The following DERA variants were observed in gnomAD, a reference collection of about 807,000 sequenced individuals.
The protein encoded by DERA is deoxyribose-phosphate aldolase.
In DERA, 15 loss-of-function variants were observed where a neutral mutation model predicts 41.1. That is an observed-to-expected ratio of 0.37 (90% CI 0.24 to 0.56). The LOEUF is 0.56. Ranked by LOEUF, DERA falls within the 20% of genes least tolerant of loss-of-function variation. The pLI is 0.81. For synonymous variants in DERA, 139 were observed against 137.4 expected, an observed-to-expected ratio of 1.01 and a Z score of -0.08; for missense variants, 396 against 403.4, an observed-to-expected ratio of 0.98 and a Z score of 0.16.
intron 7 of DERA, among the ~76,000 whole-genome samples, chr12:16,034,754 C>T (rs1012814694): frequency 7.3e-6 from 1 of 137,342 alleles, no homozygotes; most frequent in Non-Finnish European, 1.5e-5. Flanking sequence ...TCCATATTCT[C>T]TTTAAAAAAA....
At chr12:15,948,659 T>A (rs1435643418) in intron 1 of DERA, among the ~76,000 whole-genome samples, 5 of 152,208 alleles carry the variant, frequency 3.3e-5, no homozygotes, top group African/African-American at 1.2e-4. Context: ...CTCTTTTAGC[T>A]CGGAGTAGTT....
In DERA at chr12:15,981,387, TG is replaced by T. The variant is rs1311762377; in HGVS notation, c.509-920del. 1.3e-5 allele frequency among the ~76,000 whole-genome samples: 2 copies of T among 152,046 alleles called. No individual in the cohort carries two copies. The highest frequency in any genetic ancestry group is 4.8e-5 in the African/African-American group (2 of 41,396). On this transcript the variant is annotated intron_variant, in intron 5 of 8. Coordinates refer to ENST00000428559, the MANE Select transcript of DERA (RefSeq NM_015954.4). This position sits in a 1 kb window ranked among gnomAD's most constrained non-coding sequence, Gnocchi z 6.1. ...AAAAAACAAAAAAACCTACTTCCTATGAAAGATACTCAAATACAAAGGAAAG... is the reference window on the plus strand; with the variant it reads ...AAAAAACAAAAAAACCTACTTCCTATAAAGATACTCAAATACAAAGGAAAG...
chr12:15,978,723 C>T (rs1948714768), intron 5 of DERA, among the ~76,000 whole-genome samples: 1 of 152,092 alleles, frequency 6.6e-6, no homozygotes, highest in African/African-American at 2.4e-5. Flanking sequence ...ATTTTATGTT[C>T]TTCAAGGAAC....
chr12:16,006,707 G>A (rs1269315884), intron 6 of DERA, among the ~76,000 whole-genome samples: 1 of 152,236 alleles, frequency 6.6e-6, no homozygotes, highest in African/African-American at 2.4e-5. Flanking sequence ...GAGTATGAGT[G>A]TCCACTCAGA....
At chr12:15,960,205 TATAC>T (rs759730861) in intron 4 of DERA, among the ~76,000 whole-genome samples, 3 of 149,840 alleles carry the variant, frequency 2.0e-5, no homozygotes, top group South Asian at 2.1e-4. Context: ...TATATATATA[TATAC>T]ACACACACAC....
intron 1 of DERA, among the ~76,000 whole-genome samples, chr12:15,946,893 T>C (rs2136139938): frequency 6.6e-6 from 1 of 152,346 alleles, no homozygotes; most frequent in South Asian, 2.1e-4. Flanking sequence ...ACACACTGCT[T>C]TAAATGTGTC....
Position 16,010,859 on chromosome 12 carries a change from A to G in DERA, c.638-21683A>G, listed in dbSNP as rs535002084. Among the ~76,000 whole-genome samples the G allele has an allele frequency of 6.6e-6, 1 of 152,110 alleles. No individual in the cohort carries two copies. Among genetic ancestry groups the G allele is most frequent in the Non-Finnish European group, 1.5e-5 (1 of 68,022 alleles). ...TAACACAACTTCTTTTATGAAAGACAGGTCACTGTAAAAAGAAACTCTACC... is the reference window on the plus strand; with the variant it reads ...TAACACAACTTCTTTTATGAAAGACGGGTCACTGTAAAAAGAAACTCTACC... On this transcript the variant is annotated intron_variant, in intron 6 of 8. Coordinates refer to ENST00000428559, the MANE Select transcript of DERA (RefSeq NM_015954.4). The surrounding 1 kb of genome is among the most constrained non-coding windows in gnomAD (Gnocchi z 5.5).
rs547463530 is a variant in DERA at position 15,915,960 on chromosome 12, C to T, written c.31+4546C>T. 5.3e-5 allele frequency among the ~76,000 whole-genome samples: 8 copies of T among 152,288 alleles called. No individual in the cohort carries two copies. Among genetic ancestry groups the T allele is most frequent in the East Asian group, 3.9e-4 (2 of 5,184 alleles). On this transcript the variant is annotated intron_variant, in intron 1 of 8. Coordinates refer to ENST00000428559, the MANE Select transcript of DERA (RefSeq NM_015954.4). The surrounding 1 kb of genome is among the most constrained non-coding windows in gnomAD (Gnocchi z 4.8). ...ACATGCTTAAACAACCACACTGTGT[C>T]GACTGGTGCTAACTGGGAGCACTAC...
chr12:15,962,663 C>T (rs149860322), intron 4 of DERA, 150 bp from the exon 5 acceptor site: 16 of 589,186 alleles, frequency 2.7e-5, no homozygotes, highest in African/African-American at 2.1e-4. Flanking sequence ...AGTGTCAGTG[C>T]ATTGGTCTTT....
At position 15,980,762 on chromosome 12, in the gene DERA, G is replaced by T. The variant is rs1948727371; in HGVS notation, c.509-1546G>T. On this transcript the variant is annotated intron_variant, in intron 5 of 8. Transcript: ENST00000428559. ...AACCTTCTGTGGGTACCATCTCTCA[G>T]TGGTAACAAACTTTCTAAACTTACT... 1.3e-5 allele frequency among the ~76,000 whole-genome samples: 2 copies of T among 152,114 alleles called. 1 individual carries two copies. The highest frequency in any genetic ancestry group is 4.1e-4 in the South Asian group (2 of 4,824).
In DERA at chr12:15,942,247, T is replaced by C. The variant is rs536463659; in HGVS notation, c.32-14689T>C. ...CTTGCTGATTTGTTTGAGTTCCTTG[T>C]AGATTCTGAATGCTATTCTTTTGTC... On this transcript the variant is annotated intron_variant, in intron 1 of 8. Transcript: ENST00000428559. Among the ~76,000 whole-genome samples, 5 of 152,364 alleles carry C rather than the reference T, an allele frequency of 3.3e-5. No individual in the cohort carries two copies. The East Asian group carries it at 9.6e-4, about 29-fold the overall frequency.
At position 16,001,248 on chromosome 12, in the gene DERA, A is replaced by G. The variant is rs1374893921; in HGVS notation, c.637+18812A>G. 6.6e-6 allele frequency among the ~76,000 whole-genome samples: 1 copy of G among 152,152 alleles called. No individual in the cohort carries two copies. Among genetic ancestry groups the G allele is most frequent in the Admixed American group, 6.5e-5 (1 of 15,286 alleles). ...AAACCTGCACATTCTGCACATGTTT[A>G]TCCTATTTTTTTGTTTGTTTGTTTG... is the stretch of plus-strand genomic sequence containing the variant. On this transcript the variant is annotated intron_variant, in intron 6 of 8. Transcript: ENST00000428559. This position sits in a 1 kb window ranked among gnomAD's most constrained non-coding sequence, Gnocchi z 4.1.
chr12:15,913,073 TACATCA>T lies in DERA; in HGVS notation c.31+1661_31+1666del, dbSNP rs1289605570. Among the ~76,000 whole-genome samples, 1 of 152,238 alleles carries T rather than the reference TACATCA, an allele frequency of 6.6e-6. No individual in the cohort carries two copies. Among genetic ancestry groups the T allele is most frequent in the Non-Finnish European group, 1.5e-5 (1 of 68,042 alleles). ...AGGAATATGACCATGTGACTATGCA[TACATCA>T]AGGATGTGCCCTAAATTTCCCAAAA... On this transcript the variant is annotated intron_variant, in intron 1 of 8. Transcript: ENST00000428559. The surrounding 1 kb of genome is among the most constrained non-coding windows in gnomAD (Gnocchi z 4.5).
chr12:15,939,476 A>G (rs1359204383), intron 1 of DERA, among the ~76,000 whole-genome samples: 1 of 152,212 alleles, frequency 6.6e-6, no homozygotes, highest in Non-Finnish European at 1.5e-5. Context: ...AACCCCATGT[A>G]TACTAGTTGA....
chr12:15,916,436 A>G (rs957535512), intron 1 of DERA: 5 of 150,828 alleles, frequency 3.3e-5, no homozygotes, highest in African/African-American at 1.2e-4. Context: ...TTTAAAAACC[A>G]ATACTGTTTC....
Position 15,998,608 on chromosome 12 carries a change from C to T in DERA, c.637+16172C>T, listed in dbSNP as rs866760379. 2.0e-5 allele frequency among the ~76,000 whole-genome samples: 3 copies of T among 152,120 alleles called. No individual in the cohort carries two copies. The highest frequency in any genetic ancestry group is 4.8e-5 in the African/African-American group (2 of 41,416). On this transcript the variant is annotated intron_variant, in intron 6 of 8. Coordinates refer to ENST00000428559, the MANE Select transcript of DERA (RefSeq NM_015954.4). The surrounding 1 kb of genome is among the most constrained non-coding windows in gnomAD (Gnocchi z 4.8). ...CTGGAATTACAGGTGTGAGCCACCA[C>T]GCCTGGCCTAACACAGGAAGTCTTT...
At position 15,966,420 on chromosome 12, in the gene DERA, C is replaced by T. The variant is rs771223042; in HGVS notation, c.508+3473C>T. On this transcript the variant is annotated intron_variant, in intron 5 of 8. Coordinates refer to ENST00000428559, the MANE Select transcript of DERA (RefSeq NM_015954.4). This position sits in a 1 kb window ranked among gnomAD's most constrained non-coding sequence, Gnocchi z 5.1. Reference sequence around the variant, plus strand: ...CAGAGGTTGCAGGGAGCCAAGATTGCGCCACTGCACTGCAACCTGAGGGAC... The same window carrying T: ...CAGAGGTTGCAGGGAGCCAAGATTGTGCCACTGCACTGCAACCTGAGGGAC... Among the ~76,000 whole-genome samples, 10 of 151,192 alleles carry T rather than the reference C, an allele frequency of 6.6e-5. No individual in the cohort carries two copies. Among genetic ancestry groups the T allele is most frequent in the East Asian group, 3.9e-4 (2 of 5,154 alleles).
At chr12:15,914,036 C>T (rs181647255) in intron 1 of DERA, among the ~76,000 whole-genome samples, 18 of 152,256 alleles carry the variant, frequency 1.2e-4, no homozygotes, top group African/African-American at 3.9e-4. Flanking sequence ...CTTTTGTTCA[C>T]TGATGTGTCC....
intron 6 of DERA, among the ~76,000 whole-genome samples, chr12:16,032,290 G>C (rs780895920): frequency 6.6e-6 from 1 of 152,188 alleles, no homozygotes; most frequent in Non-Finnish European, 1.5e-5. Flanking sequence ...TGGCATTGTG[G>C]AAATATGGAG....
Sources: allele counts gnomAD v4.1 joint callset (sites outside exome capture counted in the v4.1 genomes callset), GRCh38; gene constraint gnomAD v4.1.1; non-coding constraint Gnocchi (gnomAD v3.1); transcripts MANE v1.5; gene names NCBI Gene and HGNC (gene_info 2026-07-23, HGNC 2026-07-21).